The following GRIK1 variants were observed in gnomAD, a reference collection of about 807,000 sequenced individuals.
GRIK1 encodes the protein glutamate ionotropic receptor kainate type subunit 1.
Under a neutral mutation model 105.7 loss-of-function variants are expected in GRIK1, and 69 were observed. The observed-to-expected ratio is 0.65, with a 90% CI of 0.54 to 0.80. The LOEUF is 0.80. Ranked by LOEUF, GRIK1 falls within the 30% of genes least tolerant of loss-of-function variation. The pLI is 0.00. For missense variants in GRIK1, 1,109 were observed against 1,167.3 expected, an observed-to-expected ratio of 0.95 and a Z score of 0.73; for synonymous variants, 438 against 431.3, an observed-to-expected ratio of 1.02 and a Z score of -0.19.
At chr21:29,903,962 A>T (rs1210732817) in intron 1 of GRIK1, among the ~76,000 whole-genome samples, 1 of 152,214 alleles carries the variant, frequency 6.6e-6, no homozygotes, top group Admixed American at 6.5e-5. Context: ...GGATGAGTTC[A>T]TTTCCTTTGC....
At chr21:29,655,337 G>A (rs538351911) in intron 4 of GRIK1, among the ~76,000 whole-genome samples, 1 of 152,290 alleles carries the variant, frequency 6.6e-6, no homozygotes, top group South Asian at 2.1e-4. Context: ...GAACCTGGGA[G>A]GCGGAGGTTG....
rs1204066049 is a variant in GRIK1 at position 29,844,587 on chromosome 21, A to G, written c.118+94796T>C. On this transcript the variant is annotated intron_variant, in intron 1 of 17. Transcript: ENST00000327783. ...ATCCCTTCTGATTTAAGGAAAATAT[A>G]ACAAAAACACGAATATTAGACACAT... 3.3e-5 allele frequency among the ~76,000 whole-genome samples: 5 copies of G among 152,238 alleles called. No individual in the cohort carries two copies. In the South Asian group the frequency reaches 1.0e-3, roughly 31 times the overall value.
intron 7 of GRIK1, among the ~76,000 whole-genome samples, chr21:29,611,527 A>G (rs2061730290): frequency 6.6e-6 from 1 of 152,162 alleles, no homozygotes; most frequent in Non-Finnish European, 1.5e-5. Context: ...TAACTTTATA[A>G]AATTATATAC....
At chr21:29,897,015 C>T (rs1426378284) in intron 1 of GRIK1, among the ~76,000 whole-genome samples, 3 of 152,158 alleles carry the variant, frequency 2.0e-5, no homozygotes, top group Non-Finnish European at 4.4e-5. Context: ...ACCTAAAAAA[C>T]TCAAATTTCC....
At position 29,581,453 on chromosome 21, in the gene GRIK1, C is replaced by T; in HGVS notation, c.1884G>A (p.Trp628Ter). 2 of 1,612,412 alleles carry T rather than the reference C, an allele frequency of 1.2e-6. No individual in the cohort carries two copies. Among genetic ancestry groups the T allele is most frequent in the Non-Finnish European group, 8.5e-7 (1 of 1,178,698 alleles). Residue 628 changes from tryptophan to a stop codon, truncating the protein, a stop_gained, in exon 13 of 18, where the codon TGG (tryptophan) becomes TGA (stop). Coordinates refer to ENST00000327783, the MANE Select transcript of GRIK1 (RefSeq NM_001330994.2). LOFTEE classifies it high-confidence loss of function. ...ENNFTLLNSF[W>*]FGVGALMQQG... ...GCTGCATGAGAGCTCCAACTCCAAA[C>T]CAGAAACTATTTAGTAAAGTAAAAT...
chr21:29,756,755 A>T lies in GRIK1; in HGVS notation c.119-62692T>A, dbSNP rs115237432. 6.1e-3 allele frequency among the ~76,000 whole-genome samples: 925 copies of T among 152,310 alleles called. 5 individuals carry two copies. Among genetic ancestry groups the T allele is most frequent in the African/African-American group, 0.021 (875 of 41,564 alleles). On this transcript the variant is annotated intron_variant, in intron 1 of 17. Coordinates refer to ENST00000327783, the MANE Select transcript of GRIK1 (RefSeq NM_001330994.2). ...GCAAAGACATGAAACACAACAGTTT[A>T]AAAAAATAAAAAAAATAAACTAGAA... is the stretch of plus-strand genomic sequence containing the variant.
chr21:29,888,161 T>TTTTCTTTCTTTCTTTC (rs11436370), intron 1 of GRIK1, among the ~76,000 whole-genome samples: 168 of 7,302 alleles, frequency 0.023, 23 homozygotes, highest in East Asian at 0.078. Flanking sequence ...CTCCTTTCTT[T>TTTTCTTTCTTTCTTTC]TTTCTTTCTT....
rs142253137 is a variant in GRIK1, at chr21:29,571,589, G to A, written c.2130+5375C>T. On this transcript the variant is annotated intron_variant, in intron 14 of 17. Transcript: ENST00000327783. ...ATGAAATTTTAGCGAGCAACTTCTG[G>A]GCACACATTTCAAGGACAAACTTCA... Among the ~76,000 whole-genome samples the A allele has an allele frequency of 1.1e-3, 174 of 152,254 alleles. 2 individuals are homozygous for A. Among genetic ancestry groups the A allele is most frequent in the Admixed American group, 2.0e-3 (31 of 15,284 alleles).
At chr21:29,697,141 G>T (rs1419467618) in intron 1 of GRIK1, among the ~76,000 whole-genome samples, 1 of 152,170 alleles carries the variant, frequency 6.6e-6, no homozygotes, top group African/African-American at 2.4e-5. Context: ...AGTTATTTCT[G>T]TTGTTCTTTG....
intron 1 of GRIK1, among the ~76,000 whole-genome samples, chr21:29,899,620 T>C (rs1179739219): frequency 2.0e-5 from 3 of 152,138 alleles, no homozygotes; most frequent in Non-Finnish European, 4.4e-5. Flanking sequence ...AATCTAGTTC[T>C]ATTTTTAATC....
intron 4 of GRIK1, among the ~76,000 whole-genome samples, chr21:29,667,827 A>T (rs1472639818): frequency 2.0e-5 from 3 of 152,234 alleles, no homozygotes; most frequent in Non-Finnish European, 2.9e-5. Context: ...ACTCAATCCT[A>T]CTATAGATTT....
chr21:29,605,161 C>T (rs1313257334), intron 7 of GRIK1, among the ~76,000 whole-genome samples: 3 of 152,104 alleles, frequency 2.0e-5, no homozygotes, highest in Admixed American at 6.5e-5. Context: ...ATCATCCCAT[C>T]GCCTAAGTAT....
intron 1 of GRIK1, among the ~76,000 whole-genome samples, chr21:29,822,169 G>A (rs2067323407): frequency 6.6e-6 from 1 of 151,978 alleles, no homozygotes; most frequent in Non-Finnish European, 1.5e-5. Context: ...TAGAGTCTCT[G>A]GGCCATACAG....
chr21:29,912,533 C>A (rs189836047), intron 1 of GRIK1, among the ~76,000 whole-genome samples: 10 of 152,224 alleles, frequency 6.6e-5, no homozygotes, highest in African/African-American at 2.4e-4. Flanking sequence ...CTGTCTTTGA[C>A]TATTGAGCCA....
chr21:29,729,282 G>A (rs780085130), intron 1 of GRIK1, among the ~76,000 whole-genome samples: 5 of 152,104 alleles, frequency 3.3e-5, no homozygotes, highest in Admixed American at 6.6e-5. Flanking sequence ...ATTATTTCAT[G>A]CCGGAAGAAG....
chr21:29,719,373 A>G (rs1379969885), intron 1 of GRIK1, among the ~76,000 whole-genome samples: 1 of 152,108 alleles, frequency 6.6e-6, no homozygotes, highest in East Asian at 1.9e-4. Context: ...GCAATTGATA[A>G]GGCAAGATCC....
chr21:29,573,156 T>G (rs898293781), intron 14 of GRIK1, among the ~76,000 whole-genome samples: 2 of 152,206 alleles, frequency 1.3e-5, no homozygotes, highest in Non-Finnish European at 2.9e-5. Flanking sequence ...TTATTGATGC[T>G]GTTTGTACTA....
At chr21:29,760,604 T>C (rs1401570200) in intron 1 of GRIK1, 1 of 152,202 alleles carries the variant, frequency 6.6e-6, no homozygotes, top group Non-Finnish European at 1.5e-5. Flanking sequence ...GGTGGCACCG[T>C]GGTATGCGAA....
intron 1 of GRIK1, among the ~76,000 whole-genome samples, chr21:29,765,079 A>G (rs1250799527): frequency 6.6e-6 from 1 of 152,210 alleles, no homozygotes. Flanking sequence ...TTAAAAGATC[A>G]TGACCTCTTT....
Sources: allele counts gnomAD v4.1 joint callset (sites outside exome capture counted in the v4.1 genomes callset), GRCh38; gene constraint gnomAD v4.1.1; transcripts MANE v1.5; gene names NCBI Gene and HGNC (gene_info 2026-07-23, HGNC 2026-07-21).